Variants in SUPT3H observed in about 807,000 individuals in gnomAD.
SUPT3H encodes transcription initiation protein SPT3 homolog.
In SUPT3H, 44 loss-of-function variants were observed where a neutral mutation model predicts 44.3. The observed-to-expected ratio is 0.99, with a 90% CI of 0.78 to 1.28. SUPT3H has a LOEUF of 1.28. Ranked by LOEUF, SUPT3H falls within the 50% of genes most tolerant of loss-of-function variation. The pLI, the probability that SUPT3H is intolerant of heterozygous loss-of-function variation, is 0.00. For synonymous variants in SUPT3H, 124 were observed against 125.6 expected, an observed-to-expected ratio of 0.99 and a Z score of 0.09; for missense variants, 380 against 387.1, an observed-to-expected ratio of 0.98 and a Z score of 0.15.
chr6:45,189,721 T>C (rs2153617996), intron 2 of SUPT3H, among the ~76,000 whole-genome samples: 1 of 152,348 alleles, frequency 6.6e-6, no homozygotes, highest in Middle Eastern at 3.4e-3. Flanking sequence ...TAAAATTTAT[T>C]TGTGAAACAA....
At chr6:45,005,329 C>T (rs187195724) in intron 5 of SUPT3H, among the ~76,000 whole-genome samples, 11 of 152,218 alleles carry the variant, frequency 7.2e-5, no homozygotes, top group African/African-American at 2.6e-4. Flanking sequence ...AACTGGGTTG[C>T]CTTTTTCTTA....
Position 45,237,283 on chromosome 6 carries a change from A to T in SUPT3H, c.101+127918T>A, listed in dbSNP as rs371009468. ...ACAGCATTGGCTGTTCACGTAGTCAATTCAACCCACTCAATTTAACATAGT... is the reference window on the plus strand; with the variant it reads ...ACAGCATTGGCTGTTCACGTAGTCATTTCAACCCACTCAATTTAACATAGT... On this transcript the variant is annotated intron_variant, in intron 2 of 10. Coordinates refer to ENST00000371459, the MANE Select transcript of SUPT3H (RefSeq NM_003599.4). Among the ~76,000 whole-genome samples, 9 of 152,326 alleles carry T rather than the reference A, an allele frequency of 5.9e-5. No individual in the cohort carries two copies. The East Asian group carries it at 9.6e-4, about 16-fold the overall frequency.
chr6:45,285,077 T>C (rs2149824313), intron 2 of SUPT3H, among the ~76,000 whole-genome samples: 1 of 151,988 alleles, frequency 6.6e-6, no homozygotes, highest in African/African-American at 2.4e-5. Flanking sequence ...AAATTAGGTA[T>C]TGATGGGACA....
At chr6:45,214,195 C>A (rs533006951) in intron 2 of SUPT3H, among the ~76,000 whole-genome samples, 1 of 151,720 alleles carries the variant, frequency 6.6e-6, no homozygotes, top group Non-Finnish European at 1.5e-5. Context: ...TTCTACAACA[C>A]CTTATGAAAA....
rs117575202 is a variant in SUPT3H at position 45,076,863 on chromosome 6, C to T, written c.186+29059G>A. Among the ~76,000 whole-genome samples the T allele has an allele frequency of 6.8e-4, 103 of 152,264 alleles. No individual in the cohort carries two copies. In the East Asian group the frequency reaches 0.018, roughly 26 times the overall value. ...CCTCCTTGCCTCAAATTATTCCATG[C>T]ACAATACTGGGTTATCAGCTAAAAA... On this transcript the variant is annotated intron_variant, in intron 3 of 10. Coordinates refer to ENST00000371459, the MANE Select transcript of SUPT3H (RefSeq NM_003599.4).
intron 2 of SUPT3H, among the ~76,000 whole-genome samples, chr6:45,179,578 G>C (rs551688789): frequency 6.6e-6 from 1 of 152,046 alleles, no homozygotes; most frequent in Admixed American, 6.6e-5. Flanking sequence ...TTCAATATAC[G>C]CAAATCAATA....
intron 4 of SUPT3H, 70 bp downstream of exon 4, chr6:45,020,476 T>C (rs1784970451): frequency 2.6e-6 from 3 of 1,158,920 alleles, no homozygotes; most frequent in Middle Eastern, 2.6e-4. Context: ...AACAAGGATA[T>C]ATAGTTTCCA....
intron 6 of SUPT3H, among the ~76,000 whole-genome samples, chr6:44,998,933 A>G (rs550121267): frequency 1.3e-5 from 2 of 152,144 alleles, no homozygotes; most frequent in South Asian, 4.1e-4. Context: ...ACACTTGTTT[A>G]ATTTTATATG....
chr6:45,033,304 T>A (rs991216784), intron 3 of SUPT3H, among the ~76,000 whole-genome samples: 2 of 152,002 alleles, frequency 1.3e-5, no homozygotes, highest in African/African-American at 4.8e-5. Flanking sequence ...TAAAATAAAA[T>A]AAGCAAGCAT....
intron 10 of SUPT3H, among the ~76,000 whole-genome samples, chr6:44,895,254 G>GTTT (rs60637782): frequency 1.7e-5 from 2 of 119,318 alleles, no homozygotes; most frequent in Non-Finnish European, 1.8e-5. Flanking sequence ...ACTTAGTCTT[G>GTTT]TTTTTTTTTT....
intron 3 of SUPT3H, among the ~76,000 whole-genome samples, chr6:45,055,392 G>A (rs756500564): frequency 1.3e-5 from 2 of 152,144 alleles, no homozygotes; most frequent in Non-Finnish European, 2.9e-5. Context: ...AACAAATCTG[G>A]TGGCAACACA....
chr6:45,218,532 C>A (rs1018476950), intron 2 of SUPT3H, among the ~76,000 whole-genome samples: 3 of 152,150 alleles, frequency 2.0e-5, no homozygotes, highest in African/African-American at 7.2e-5. Flanking sequence ...GAGTTCGAGA[C>A]CAGCCTGACC....
intron 7 of SUPT3H, among the ~76,000 whole-genome samples, chr6:44,958,833 A>G (rs1222205428): frequency 3.3e-5 from 5 of 151,312 alleles, no homozygotes; most frequent in Non-Finnish European, 7.4e-5. Context: ...GGAAAAAATG[A>G]CATTAGGCCA....
At chr6:44,814,980 A>T (rs7754698) in intron 11 of SUPT3H, among the ~76,000 whole-genome samples, 3 of 151,846 alleles carry the variant, frequency 2.0e-5, no homozygotes, top group African/African-American at 7.3e-5. Context: ...CCCGGCCTCA[A>T]ATTTTTTTCA....
chr6:44,902,072 C>A (rs1218202617), intron 10 of SUPT3H, among the ~76,000 whole-genome samples: 1 of 152,082 alleles, frequency 6.6e-6, no homozygotes, highest in Non-Finnish European at 1.5e-5. Context: ...CAAAATCATG[C>A]CAAATTGTAA....
chr6:45,130,702 A>C (rs1358044612), intron 2 of SUPT3H, among the ~76,000 whole-genome samples: 1 of 135,844 alleles, frequency 7.4e-6, no homozygotes, highest in Admixed American at 7.1e-5. Flanking sequence ...AAAAACAAAA[A>C]AAAAAACCAC....
At chr6:45,242,123 A>T (rs996807376) in intron 2 of SUPT3H, among the ~76,000 whole-genome samples, 2 of 152,224 alleles carry the variant, frequency 1.3e-5, no homozygotes, top group Non-Finnish European at 2.9e-5. Context: ...ACTAGATAAA[A>T]TACATGAAAT....
chr6:45,247,494 A>T (rs890802538), intron 2 of SUPT3H, among the ~76,000 whole-genome samples: 7 of 152,178 alleles, frequency 4.6e-5, no homozygotes, highest in Admixed American at 4.6e-4. Context: ...TCATGCAGGT[A>T]CCATGTGCCT....
intron 2 of SUPT3H, among the ~76,000 whole-genome samples, chr6:45,250,022 T>C (rs1772087131): frequency 6.6e-6 from 1 of 152,144 alleles, no homozygotes; most frequent in Non-Finnish European, 1.5e-5. Flanking sequence ...AAATCTACAG[T>C]TAATTCTATC....
Sources: gnomAD v4.1 joint callset for allele counts (sites outside exome capture counted in the v4.1 genomes callset) on GRCh38, gnomAD v4.1.1 for gene constraint, MANE v1.5 for transcripts, NCBI Gene and HGNC (gene_info 2026-07-23, HGNC 2026-07-21) for gene names.